WWC2: variants seen among roughly 807,000 people sequenced by gnomAD.
WWC2 encodes the protein WW and C2 domain containing 2.
WWC2 carries 101 observed loss-of-function variants against 138.5 expected under a neutral mutation model. The ratio of observed to expected loss-of-function variants is 0.73; its 90% CI spans 0.62 to 0.86. The LOEUF is 0.86. Among genes scored for constraint, WWC2 ranks in the 40% least tolerant of loss-of-function variants. The probability of loss-of-function intolerance (pLI) is 0.00; values close to 1 mark genes in which losing one functional copy is unlikely to be tolerated. For missense variants in WWC2, 1,420 were observed against 1,419.4 expected (o/e 1.00, Z -0.01); for synonymous variants, 558 against 538.4 (o/e 1.04, Z -0.50).
Position 183,271,065 on chromosome 4 carries a change from C to G in WWC2, c.2401-15C>G. 2 of 1,464,654 alleles carry G rather than the reference C, an allele frequency of 1.4e-6. No individual in the cohort carries two copies. Among genetic ancestry groups the G allele is most frequent in the Non-Finnish European group, 1.8e-6 (2 of 1,105,340 alleles). The allele number at this position is 1,464,654 out of a possible 1,614,324, so 90.7% of individuals were successfully genotyped here. A position where few individuals can be genotyped will look rare whatever the true frequency, so the allele number is the denominator to read the frequency against. ...TTCCTTATTTTTTTTTCTTTGTTTT[C>G]TTTCACTTACATAGGCTGGAACTCA... On this transcript the variant is annotated splice_polypyrimidine_tract_variant and intron_variant, in intron 15 of 22. Transcript: ENST00000403733.
intron 21 of WWC2, among the ~76,000 whole-genome samples, chr4:183,293,315 C>CT (rs1287468860): frequency 2.6e-5 from 4 of 152,040 alleles, no homozygotes; most frequent in Non-Finnish European, 4.4e-5. Context: ...GTCAAAATGT[C>CT]TAAGAAAATT....
intron 4 of WWC2, among the ~76,000 whole-genome samples, chr4:183,218,417 C>G (rs374629153): frequency 1.3e-5 from 2 of 151,488 alleles, no homozygotes; most frequent in Non-Finnish European, 2.9e-5. Flanking sequence ...TCTCTGCTTT[C>G]GGTTCTTTGG....
chr4:183,147,329 A>G (rs575335285), intron 1 of WWC2, among the ~76,000 whole-genome samples: 1 of 152,340 alleles, frequency 6.6e-6, no homozygotes, highest in East Asian at 1.9e-4. Context: ...AATTTGCCCA[A>G]AGCTACACAG....
intron 1 of WWC2, among the ~76,000 whole-genome samples, chr4:183,116,601 G>A (rs1732418326): frequency 6.6e-6 from 1 of 152,184 alleles, no homozygotes; most frequent in Non-Finnish European, 1.5e-5. Context: ...CGCCTCCCTG[G>A]CTTTGGAAGA....
intron 1 of WWC2, among the ~76,000 whole-genome samples, chr4:183,180,942 G>T (rs1457366414): frequency 2.6e-5 from 4 of 152,034 alleles, no homozygotes; most frequent in Non-Finnish European, 5.9e-5. Flanking sequence ...GTACATACTA[G>T]ACTGTTTTAT....
intron 21 of WWC2, among the ~76,000 whole-genome samples, chr4:183,307,025 ATAGAG>A (rs1198512868): frequency 1.3e-5 from 2 of 152,198 alleles, no homozygotes; most frequent in African/African-American, 4.8e-5. Flanking sequence ...ATTGACATCT[ATAGAG>A]TACTTCATTT....
intron 1 of WWC2, among the ~76,000 whole-genome samples, chr4:183,160,895 C>G (rs1319704139): frequency 6.6e-6 from 1 of 152,122 alleles, no homozygotes; most frequent in Non-Finnish European, 1.5e-5. Context: ...TAAGGCAACT[C>G]CATCAGGAAC....
At position 183,271,226 on chromosome 4, in the gene WWC2, A is replaced by G. The variant is rs112323536; in HGVS notation, c.2547A>G (p.Val849=). 7 of 1,610,224 alleles carry G rather than the reference A, an allele frequency of 4.3e-6. No homozygotes were observed. Among genetic ancestry groups the G allele is most frequent in the African/African-American group, 2.7e-5 (2 of 74,892 alleles). ...DSVFQPNQPL[V]DSIDLDAVSA... ...TATTTCAACCAAACCAGCCGTTAGT[A>G]GATTCTATAGACTTGGTGAGTCAAA... The change falls in exon 16 of 23, where the codon GTA becomes GTG. Residue 849 remains valine, a synonymous_variant. Transcript: ENST00000403733.
At chr4:183,250,388 T>C (rs1344123937) in intron 8 of WWC2, among the ~76,000 whole-genome samples, 2 of 152,106 alleles carry the variant, frequency 1.3e-5, no homozygotes, top group Admixed American at 6.6e-5. Flanking sequence ...GGCAAATAAG[T>C]ATTGATTTAT....
chr4:183,265,911 C>G lies in WWC2; in HGVS notation c.2167C>G (p.Arg723Gly). Residue 723 changes from arginine (R) to glycine (G), a missense_variant, in exon 14 of 23, where the codon CGA (arginine) becomes GGA (glycine). Arg to Gly is a moderately radical substitution (Grantham distance 125). Transcript: ENST00000403733. ...TTTCATGGTGATTATAGCACAGCTC[C>G]GAAACCTTCATGCCTTCTTGATACC... The part of the protein sequence containing the change: ...SSFMVIIAQL[R>G]NLHAFLIPHT... The G allele has an allele frequency of 1.9e-6, 3 of 1,613,376 alleles. No individual in the cohort carries two copies. Among genetic ancestry groups the G allele is most frequent in the Non-Finnish European group, 2.5e-6 (3 of 1,179,682 alleles).
At chr4:183,219,213 G>A (rs552536818) in intron 4 of WWC2, among the ~76,000 whole-genome samples, 1 of 152,018 alleles carries the variant, frequency 6.6e-6, no homozygotes, top group Non-Finnish European at 1.5e-5. Context: ...TGTTTAATAG[G>A]GACAGAGTTT....
intron 21 of WWC2, 109 bp downstream of exon 21, chr4:183,289,744 T>A (rs1738378579): frequency 1.3e-6 from 2 of 1,482,796 alleles, no homozygotes; most frequent in African/African-American, 2.8e-5. Context: ...AGTCTTTAGA[T>A]GTTTTACTAC....
At position 183,288,921 on chromosome 4, in the gene WWC2, T is replaced by TTGCAA. The variant is rs1738341206; in HGVS notation, c.3142-469_3142-465dup. On this transcript the variant is annotated intron_variant, in intron 20 of 22. Coordinates refer to ENST00000403733, the MANE Select transcript of WWC2 (RefSeq NM_024949.6). Reference sequence around the variant, plus strand: ...CTGAAATGGAGGAAACAGAAATGTCTTGCAATGTATTTATTTATTACACTA... The same window carrying TTGCAA: ...CTGAAATGGAGGAAACAGAAATGTCTTGCAATGCAATGTATTTATTTATTACACTA... 2.0e-5 allele frequency among the ~76,000 whole-genome samples: 3 copies of TTGCAA among 152,230 alleles called. No homozygotes were observed. In the South Asian group the frequency reaches 6.2e-4, roughly 32 times the overall value.
At chr4:183,247,653 T>C (rs1169726700) in intron 6 of WWC2, among the ~76,000 whole-genome samples, 2 of 140,828 alleles carry the variant, frequency 1.4e-5, no homozygotes, top group East Asian at 2.0e-4. Flanking sequence ...ATATACTATA[T>C]ACTATATATA....
intron 1 of WWC2, among the ~76,000 whole-genome samples, chr4:183,115,461 A>G (rs1215916212): frequency 6.6e-6 from 1 of 152,228 alleles, no homozygotes; most frequent in Non-Finnish European, 1.5e-5. Context: ...TGCTTTCCAC[A>G]GTGGCTGAAC....
chr4:183,279,710 T>G (rs2111399111), intron 16 of WWC2, among the ~76,000 whole-genome samples: 1 of 152,096 alleles, frequency 6.6e-6, no homozygotes, highest in Non-Finnish European at 1.5e-5. Context: ...CTTGGGAGAG[T>G]GTATGTGTCG....
intron 4 of WWC2, among the ~76,000 whole-genome samples, chr4:183,227,561 G>A (rs1030790768): frequency 2.6e-5 from 4 of 151,894 alleles, no homozygotes; most frequent in Non-Finnish European, 4.4e-5. Flanking sequence ...AAAAGAGATT[G>A]GAAATATAAG....
intron 1 of WWC2, among the ~76,000 whole-genome samples, chr4:183,166,379 G>T (rs1414218576): frequency 6.6e-6 from 1 of 152,090 alleles, no homozygotes; most frequent in Admixed American, 6.5e-5. Context: ...CTCCTGTGTC[G>T]GCAGAATGTC....
intron 1 of WWC2, among the ~76,000 whole-genome samples, chr4:183,104,734 A>G (rs1350501813): frequency 6.6e-6 from 1 of 152,142 alleles, no homozygotes; most frequent in Non-Finnish European, 1.5e-5. Context: ...ATTCCAAAAG[A>G]AATATTCTTT....
Sources: gnomAD v4.1 joint callset for allele counts (sites outside exome capture counted in the v4.1 genomes callset) on GRCh38, gnomAD v4.1.1 for gene constraint, MANE v1.5 for transcripts, NCBI Gene and HGNC (gene_info 2026-07-23, HGNC 2026-07-21) for gene names.